KIAA1549: variants seen among roughly 807,000 people sequenced by gnomAD.
The protein encoded by KIAA1549 is UPF0606 protein KIAA1549.
KIAA1549 carries 70 observed loss-of-function variants against 156.4 expected under a neutral mutation model. The ratio of observed to expected loss-of-function variants is 0.45; its 90% CI spans 0.37 to 0.55. The LOEUF (loss-of-function observed/expected upper bound fraction) is 0.55. Among genes scored for constraint, KIAA1549 ranks in the 20% least tolerant of loss-of-function variants. The pLI, the probability that KIAA1549 is intolerant of heterozygous loss-of-function variation, is 0.00. For missense variants in KIAA1549, 2,428 were observed against 2,540.9 expected, an observed-to-expected ratio of 0.96 and a Z score of 0.96; for synonymous variants, 1,103 against 1,066.4, an observed-to-expected ratio of 1.03 and a Z score of -0.67.
chr7:138,858,149 C>T (rs186712542), intron 16 of KIAA1549, among the ~76,000 whole-genome samples: 3 of 151,734 alleles, frequency 2.0e-5, no homozygotes, highest in African/African-American at 7.3e-5. Context: ...GAGACAGAGT[C>T]TCACTCTTTT....
At chr7:138,886,424 G>A (rs1341100608) in intron 10 of KIAA1549, among the ~76,000 whole-genome samples, 1 of 152,032 alleles carries the variant, frequency 6.6e-6, no homozygotes, top group African/African-American at 2.4e-5. Context: ...ACAGACATGT[G>A]CCATCACGCC....
chr7:138,869,697 G>A lies in KIAA1549; in HGVS notation c.4616C>T (p.Ala1539Val), dbSNP rs560085350. ...EHHRNKIRLR[A>V]KRRGHYEFPV... ...GAACTCGTAGTGCCCGCGGCGCTTG[G>A]CGCGCAGGCGGATCTTGTTGCGATG... The change falls in exon 14 of 20, where the codon GCC becomes GTC. Residue 1539 changes from alanine (A) to valine (V), a missense_variant. By Grantham distance (64) the Ala-to-Val change is moderately conservative (BLOSUM62 0). Around this residue, in one of 5 missense-constraint regions of KIAA1549, gnomAD observed 404 missense variants for 417.0 expected, o/e 0.97. Coordinates refer to ENST00000422774, the MANE Select transcript of KIAA1549 (RefSeq NM_001164665.2). 2 of 1,612,286 alleles carry A rather than the reference G, an allele frequency of 1.2e-6. No individual in the cohort carries two copies. The highest frequency in any genetic ancestry group is 1.3e-5 in the African/African-American group (1 of 75,038).
chr7:138,943,721 C>A (rs1181509046), intron 1 of KIAA1549, among the ~76,000 whole-genome samples: 1 of 151,938 alleles, frequency 6.6e-6, no homozygotes, highest in East Asian at 1.9e-4. Flanking sequence ...TAGTGGCGGG[C>A]ACCTGTAGTC....
chr7:138,966,401 T>C (rs1216707004), intron 1 of KIAA1549, among the ~76,000 whole-genome samples: 1 of 151,934 alleles, frequency 6.6e-6, no homozygotes, highest in African/African-American at 2.4e-5. Context: ...GCTATATATA[T>C]ATACACACAG....
At chr7:138,861,092 G>A in intron 16 of KIAA1549, 47 bp downstream of exon 16, 2 of 1,589,680 alleles carry the variant, frequency 1.3e-6, no homozygotes, top group Non-Finnish European at 1.7e-6. Flanking sequence ...AGGCAACAAA[G>A]CTTCAACATC....
chr7:138,937,090 C>T (rs1813036113), intron 1 of KIAA1549, among the ~76,000 whole-genome samples: 1 of 152,158 alleles, frequency 6.6e-6, no homozygotes, highest in Non-Finnish European at 1.5e-5. Flanking sequence ...ATACAAGAGC[C>T]TTCAGCTCCC....
intron 16 of KIAA1549, among the ~76,000 whole-genome samples, chr7:138,859,013 ACACACAC>A (rs1810476552): frequency 5.5e-5 from 3 of 54,602 alleles, no homozygotes; most frequent in Admixed American, 1.9e-4. Flanking sequence ...CTCAAAACAC[ACACACAC>A]ACACACACAC....
intron 1 of KIAA1549, among the ~76,000 whole-genome samples, chr7:138,937,030 T>A (rs1813033888): frequency 6.6e-6 from 1 of 151,962 alleles, no homozygotes; most frequent in African/African-American, 2.4e-5. Context: ...ATTCTCAAAA[T>A]CCTCCAGTGG....
intron 2 of KIAA1549, among the ~76,000 whole-genome samples, chr7:138,915,689 C>G (rs1812297184): frequency 6.6e-6 from 1 of 152,090 alleles, no homozygotes; most frequent in Non-Finnish European, 1.5e-5. Flanking sequence ...CCACTCCACC[C>G]CACTCCTCCC....
intron 1 of KIAA1549, among the ~76,000 whole-genome samples, chr7:138,952,430 GACAA>G (rs1278698750): frequency 2.0e-5 from 3 of 152,280 alleles, no homozygotes; most frequent in East Asian, 3.9e-4. Flanking sequence ...TGAGAGCACA[GACAA>G]ACAAACATGT....
At chr7:138,949,730 C>A (rs1351068882) in intron 1 of KIAA1549, among the ~76,000 whole-genome samples, 2 of 152,330 alleles carry the variant, frequency 1.3e-5, no homozygotes, top group South Asian at 4.1e-4. Context: ...TGTGGCTTCA[C>A]ATGACTGCAG....
At chr7:138,897,524 T>C (rs964149299) in intron 9 of KIAA1549, among the ~76,000 whole-genome samples, 1 of 152,180 alleles carries the variant, frequency 6.6e-6, no homozygotes, top group Non-Finnish European at 1.5e-5. Context: ...CTCTAAACAT[T>C]TACCTCTCCT....
At chr7:138,924,590 C>A (rs1162833901) in intron 1 of KIAA1549, among the ~76,000 whole-genome samples, 1 of 152,114 alleles carries the variant, frequency 6.6e-6, no homozygotes, top group Non-Finnish European at 1.5e-5. Flanking sequence ...CAAAAATTCT[C>A]CTGACTAGAA....
At chr7:138,838,278 TCTAACAGGGCC>T in intron 19 of KIAA1549, 118 bp from the exon 20 acceptor site, 1 of 1,058,452 alleles carries the variant, frequency 9.4e-7, no homozygotes, top group South Asian at 1.8e-5. Flanking sequence ...AACTCAGCCC[TCTAACAGGGCC>T]CTGCTGCCTA....
At chr7:138,912,304 C>T (rs1812192587) in intron 3 of KIAA1549, 68 bp downstream of exon 3, 2 of 1,162,420 alleles carry the variant, frequency 1.7e-6, no homozygotes, top group East Asian at 4.7e-5. Flanking sequence ...TCACCTGCCT[C>T]TAACCTGGGG....
intron 1 of KIAA1549, among the ~76,000 whole-genome samples, chr7:138,943,490 T>C (rs1029310903): frequency 6.6e-6 from 1 of 152,260 alleles, no homozygotes; most frequent in African/African-American, 2.4e-5. Flanking sequence ...TATATGTTTA[T>C]TGTGTACAAC....
intron 1 of KIAA1549, among the ~76,000 whole-genome samples, chr7:138,973,554 G>T (rs1814283438): frequency 6.6e-6 from 1 of 152,142 alleles, no homozygotes; most frequent in Non-Finnish European, 1.5e-5. Flanking sequence ...CAGGGTTTCT[G>T]TCCTCAGCTG....
intron 1 of KIAA1549, among the ~76,000 whole-genome samples, chr7:138,960,058 G>A (rs2130554395): frequency 6.6e-6 from 1 of 152,276 alleles, no homozygotes; most frequent in Non-Finnish European, 1.5e-5. Context: ...GTCAAAGGCT[G>A]ACCGGGCCAC....
chr7:138,909,277 G>A (rs772281642), intron 4 of KIAA1549, among the ~76,000 whole-genome samples, 156 bp from the exon 5 acceptor site: 30 of 152,178 alleles, frequency 2.0e-4, no homozygotes, highest in African/African-American at 6.0e-4. Flanking sequence ...ATTTTCTCAC[G>A]GAAATGTAAA....
Sources: allele counts gnomAD v4.1 joint callset (sites outside exome capture counted in the v4.1 genomes callset), GRCh38; gene constraint gnomAD v4.1.1; regional missense constraint gnomAD v4.1.1; transcripts MANE v1.5; gene names NCBI Gene and HGNC (gene_info 2026-07-23, HGNC 2026-07-21).